The following FRMD5 variants were observed in gnomAD, a reference collection of about 807,000 sequenced individuals.
FRMD5 encodes the protein FERM domain-containing protein 5.
Under a neutral mutation model 69.0 loss-of-function variants are expected in FRMD5, and 20 were observed. That is an observed-to-expected ratio of 0.29 (90% CI 0.20 to 0.42). The LOEUF is 0.42. FRMD5 is among the 10% of genes least tolerant of loss of function. The probability of loss-of-function intolerance (pLI) is 1.00; values close to 1 mark genes in which losing one functional copy is unlikely to be tolerated. For synonymous variants in FRMD5, 271 were observed against 260.1 expected (o/e 1.04, Z -0.40); for missense variants, 595 against 708.6 (o/e 0.84, Z 1.82).
chr15:44,165,727 T>G (rs2140512732), intron 1 of FRMD5, among the ~76,000 whole-genome samples: 1 of 151,848 alleles, frequency 6.6e-6, no homozygotes, highest in African/African-American at 2.4e-5. Context: ...CCCAGGTTCT[T>G]GGGAGGCCGA....
intron 1 of FRMD5, among the ~76,000 whole-genome samples, chr15:43,965,124 C>T (rs1455539976): frequency 6.6e-6 from 1 of 152,184 alleles, no homozygotes; most frequent in African/African-American, 2.4e-5. Flanking sequence ...CGATATTTAG[C>T]TTATAACCCT....
intron 4 of FRMD5, 79 bp from the exon 5 acceptor site, chr15:43,910,058 C>A: frequency 1.3e-6 from 1 of 759,902 alleles, no homozygotes. Context: ...GTAAGCCTAT[C>A]AAAATCTTTG....
intron 1 of FRMD5, among the ~76,000 whole-genome samples, chr15:44,030,545 CTTCA>C (rs1320483530): frequency 2.6e-5 from 4 of 152,072 alleles, no homozygotes; most frequent in Admixed American, 6.5e-5. Flanking sequence ...TTCCTGTAAA[CTTCA>C]TTCATTCTCA....
chr15:43,925,826 T>C (rs1415772306), intron 1 of FRMD5, among the ~76,000 whole-genome samples: 1 of 152,242 alleles, frequency 6.6e-6, no homozygotes, highest in Non-Finnish European at 1.5e-5. Context: ...CTCCTATTTT[T>C]TGAGGACTCA....
intron 13 of FRMD5, among the ~76,000 whole-genome samples, chr15:43,877,442 T>C (rs1454377526): frequency 6.6e-6 from 1 of 152,216 alleles, no homozygotes; most frequent in Admixed American, 6.5e-5. Context: ...GGCTCCCTCA[T>C]GGCTTGGCCG....
At chr15:44,039,675 C>T (rs895923812) in intron 1 of FRMD5, among the ~76,000 whole-genome samples, 7 of 152,006 alleles carry the variant, frequency 4.6e-5, no homozygotes, top group East Asian at 1.9e-4. Flanking sequence ...TGAAGGGCAC[C>T]GACTTCAAAG....
At chr15:44,074,188 G>C (rs1287830076) in intron 1 of FRMD5, among the ~76,000 whole-genome samples, 2 of 152,100 alleles carry the variant, frequency 1.3e-5, no homozygotes, top group African/African-American at 4.8e-5. Flanking sequence ...TTGATTTTTA[G>C]TCTGCGTGTT....
At chr15:43,974,852 C>G (rs1461585323) in intron 1 of FRMD5, among the ~76,000 whole-genome samples, 2 of 152,176 alleles carry the variant, frequency 1.3e-5, no homozygotes, top group African/African-American at 4.8e-5. Context: ...TTGTTACATG[C>G]AGATCCTTTT....
rs1307935649 is a variant in FRMD5 at position 43,870,845 on chromosome 15, GA to G, written c.*3039del. ...ATGCTAACTACATACTGCATATGTA[GA>G]AAAAAGTACATTGCTTTGAAGGAAA... is the stretch of plus-strand genomic sequence containing the variant. On this transcript the variant is annotated 3_prime_UTR_variant, in exon 14 of 14. Coordinates refer to ENST00000417257, the MANE Select transcript of FRMD5 (RefSeq NM_032892.5). 1 of 152,102 alleles carries G rather than the reference GA, an allele frequency of 6.6e-6. No individual in the cohort carries two copies. The highest frequency in any genetic ancestry group is 1.5e-5 in the Non-Finnish European group (1 of 68,016). 9.4% of individuals were successfully genotyped at this position (152,102 alleles called of 1,614,324 possible).
chr15:44,168,749 A>G (rs956731102), intron 1 of FRMD5, among the ~76,000 whole-genome samples: 3 of 152,158 alleles, frequency 2.0e-5, no homozygotes, highest in Admixed American at 1.3e-4. Flanking sequence ...AACGTACTTC[A>G]TTTTTGATTG....
At chr15:43,942,123 T>A (rs2089874131) in intron 1 of FRMD5, among the ~76,000 whole-genome samples, 1 of 152,236 alleles carries the variant, frequency 6.6e-6, no homozygotes, top group Admixed American at 6.5e-5. Context: ...AGATATTTCA[T>A]CTTTGGTTCT....
At chr15:44,117,925 T>G (rs974677362) in intron 1 of FRMD5, among the ~76,000 whole-genome samples, 5 of 152,056 alleles carry the variant, frequency 3.3e-5, no homozygotes, top group African/African-American at 1.2e-4. Flanking sequence ...AAAGGTTTGC[T>G]TTGAGGAATT....
chr15:43,990,999 G>A (rs1033165308), intron 1 of FRMD5, among the ~76,000 whole-genome samples: 1 of 152,168 alleles, frequency 6.6e-6, no homozygotes, highest in Non-Finnish European at 1.5e-5. Flanking sequence ...CTATATATCA[G>A]AACAGATTTC....
chr15:44,032,434 G>C (rs778728694), intron 1 of FRMD5, among the ~76,000 whole-genome samples: 1 of 152,072 alleles, frequency 6.6e-6, no homozygotes, highest in Admixed American at 6.5e-5. Flanking sequence ...ACAGAATGGA[G>C]AAAATATTTT....
At chr15:44,162,726 G>T (rs1189247659) in intron 1 of FRMD5, among the ~76,000 whole-genome samples, 1 of 151,918 alleles carries the variant, frequency 6.6e-6, no homozygotes, top group East Asian at 1.9e-4. Context: ...AATTAGCCAG[G>T]CGTGGTGGCG....
chr15:44,121,460 TCTG>T (rs1267425870), intron 1 of FRMD5, among the ~76,000 whole-genome samples: 2 of 152,104 alleles, frequency 1.3e-5, no homozygotes, highest in African/African-American at 4.8e-5. Context: ...GAAATCTTGA[TCTG>T]CTTTCAGTCT....
chr15:44,108,342 A>T (rs1292766205), intron 1 of FRMD5, among the ~76,000 whole-genome samples: 2 of 152,086 alleles, frequency 1.3e-5, no homozygotes, highest in East Asian at 3.9e-4. Context: ...CTCTTTAAAA[A>T]AATAAAAATA....
chr15:43,893,261 A>G (rs1164741986), intron 7 of FRMD5, among the ~76,000 whole-genome samples: 1 of 152,174 alleles, frequency 6.6e-6, no homozygotes, highest in African/African-American at 2.4e-5. Context: ...TAGCTGAAGA[A>G]AAAAACAAGA....
At chr15:44,142,173 A>G (rs2077283788) in intron 1 of FRMD5, among the ~76,000 whole-genome samples, 1 of 152,204 alleles carries the variant, frequency 6.6e-6, no homozygotes, top group Non-Finnish European at 1.5e-5. Context: ...GACATAACAG[A>G]AAATGTCCTC....
Sources: allele counts gnomAD v4.1 joint callset (sites outside exome capture counted in the v4.1 genomes callset), GRCh38; gene constraint gnomAD v4.1.1; transcripts MANE v1.5; gene names NCBI Gene and HGNC (gene_info 2026-07-23, HGNC 2026-07-21).